GRM7: variants seen among roughly 807,000 people sequenced by gnomAD.
GRM7 encodes the protein metabotropic glutamate receptor 7.
In GRM7, 35 loss-of-function variants were observed where a neutral mutation model predicts 84.5. The observed-to-expected ratio is 0.41, with a 90% CI of 0.32 to 0.55. The LOEUF is 0.55. Ranked by LOEUF, GRM7 falls within the 20% of genes least tolerant of loss-of-function variation. The pLI is 0.19. For synonymous variants in GRM7, 487 were observed against 455.1 expected (o/e 1.07, Z -0.89); for missense variants, 1,003 against 1,194.6 (o/e 0.84, Z 2.36).
chr3:7,018,131 T>C (rs1695643537), intron 1 of GRM7, among the ~76,000 whole-genome samples: 2 of 152,228 alleles, frequency 1.3e-5, no homozygotes, highest in South Asian at 2.1e-4. Context: ...TAATAGTACA[T>C]TTTATTTGAA....
intron 2 of GRM7, among the ~76,000 whole-genome samples, chr3:7,149,219 T>A (rs993735119): frequency 3.2e-4 from 49 of 152,236 alleles, no homozygotes; most frequent in African/African-American, 1.2e-3. Context: ...TTAGCTTAAA[T>A]GGTGTGGAGT....
intron 4 of GRM7, among the ~76,000 whole-genome samples, chr3:7,364,322 C>T (rs906942612): frequency 1.3e-5 from 2 of 151,728 alleles, no homozygotes; most frequent in Admixed American, 6.6e-5. Flanking sequence ...TATATACAGG[C>T]TCTCACAGTT....
At chr3:7,469,755 G>C (rs1271106593) in intron 7 of GRM7, among the ~76,000 whole-genome samples, 1 of 152,118 alleles carries the variant, frequency 6.6e-6, no homozygotes, top group Non-Finnish European at 1.5e-5. Flanking sequence ...ATTTTTATTT[G>C]TCAGCATCTC....
intron 1 of GRM7, among the ~76,000 whole-genome samples, chr3:6,988,772 A>C (rs762358095): frequency 4.6e-5 from 7 of 152,218 alleles, no homozygotes; most frequent in African/African-American, 9.6e-5. Context: ...TATAATTTCC[A>C]AATCATTTTT....
chr3:7,645,352 T>G (rs7615768), intron 8 of GRM7, among the ~76,000 whole-genome samples: 18,589 of 151,436 alleles, frequency 0.12, 1,227 homozygotes, highest in African/African-American at 0.17. Flanking sequence ...ATTGAGACCA[T>G]CCTGGCCAAC....
chr3:6,883,897 T>C (rs1038665920), intron 1 of GRM7, among the ~76,000 whole-genome samples: 1 of 152,182 alleles, frequency 6.6e-6, no homozygotes, highest in Non-Finnish European at 1.5e-5. Context: ...TGGTCTCTTC[T>C]GGAAATGAGC....
rs540365800 is a variant in GRM7, at chr3:7,037,743, C to G, written c.520-108709C>G. 2.6e-5 allele frequency among the ~76,000 whole-genome samples: 4 copies of G among 152,180 alleles called. No homozygotes were observed. In the South Asian group the frequency reaches 8.3e-4, roughly 32 times the overall value. On this transcript the variant is annotated intron_variant, in intron 1 of 9. Coordinates refer to ENST00000357716, the MANE Select transcript of GRM7 (RefSeq NM_000844.4). Reference sequence around the variant, plus strand: ...TATTTGGTACAAATATTTTAATTTCCTCAAGAAATAGAACCTGTTACTGCA... The same window carrying G: ...TATTTGGTACAAATATTTTAATTTCGTCAAGAAATAGAACCTGTTACTGCA...
At position 6,877,840 on chromosome 3, in the gene GRM7, CACACACACACACAT is replaced by C. The variant is rs1294418473; in HGVS notation, c.519+15935_519+15948del. On this transcript the variant is annotated intron_variant, in intron 1 of 9. Coordinates refer to ENST00000357716, the MANE Select transcript of GRM7 (RefSeq NM_000844.4). Reference sequence around the variant, plus strand: ...ACACACACACACACACACACACACACACACACACACACATATGACTTCTGCTAGTAAATTACAAA... The same window carrying C: ...ACACACACACACACACACACACACACATGACTTCTGCTAGTAAATTACAAA... Among the ~76,000 whole-genome samples the C allele has an allele frequency of 1.9e-3, 275 of 143,824 alleles. 1 individual carries two copies. The highest frequency in any genetic ancestry group is 6.5e-3 in the African/African-American group (258 of 39,402). The allele number at this position is 143,824 out of a possible 152,430, so 94.4% of individuals were successfully genotyped here.
rs57543472 is a variant in GRM7 at position 7,643,331 on chromosome 3, C to CAAA, written c.2452-36712_2452-36710dup. Among the ~76,000 whole-genome samples, 1,125 of 150,828 alleles carry CAAA rather than the reference C, an allele frequency of 7.5e-3. 18 individuals are homozygous for CAAA. Among genetic ancestry groups the CAAA allele is most frequent in the Middle Eastern group, 0.021 (6 of 286 alleles). On this transcript the variant is annotated intron_variant, in intron 8 of 9. Transcript: ENST00000357716. ...CGCAGGGAGCCCAATGAAAAACAAA[C>CAAA]AAAAAAAACAAAACAGGGCACTAAT...
intron 7 of GRM7, among the ~76,000 whole-genome samples, chr3:7,468,237 T>C (rs559074262): frequency 3.6e-4 from 55 of 152,204 alleles, no homozygotes; most frequent in Non-Finnish European, 6.3e-4. Flanking sequence ...ATATGTAAGG[T>C]GTCAAAATCT....
intron 1 of GRM7, among the ~76,000 whole-genome samples, chr3:6,872,259 T>C (rs1695145764): frequency 6.6e-6 from 1 of 152,160 alleles, no homozygotes. Flanking sequence ...ATTGAGAAGA[T>C]TATCACAAAA....
chr3:7,021,995 A>G (rs1225579543), intron 1 of GRM7, among the ~76,000 whole-genome samples: 1 of 152,180 alleles, frequency 6.6e-6, no homozygotes, highest in African/African-American at 2.4e-5. Flanking sequence ...CCAACCAAAT[A>G]TGATATAAAA....
chr3:7,618,515 T>A (rs191376012), intron 8 of GRM7, among the ~76,000 whole-genome samples: 230 of 152,296 alleles, frequency 1.5e-3, no homozygotes, highest in African/African-American at 4.6e-3. Flanking sequence ...TGGGTTTTTT[T>A]AATTATTGTT....
chr3:7,700,282 C>T (rs942304139), intron 9 of GRM7, among the ~76,000 whole-genome samples: 2 of 152,178 alleles, frequency 1.3e-5, no homozygotes, highest in African/African-American at 4.8e-5. Flanking sequence ...TCAATGACAG[C>T]CAGAAGGACA....
At chr3:7,363,762 C>G (rs1039508507) in intron 4 of GRM7, among the ~76,000 whole-genome samples, 1 of 152,104 alleles carries the variant, frequency 6.6e-6, no homozygotes, top group Non-Finnish European at 1.5e-5. Flanking sequence ...CGGCAGTTAA[C>G]AAGAGCTCCT....
At chr3:7,331,634 C>G (rs1164315891) in intron 4 of GRM7, among the ~76,000 whole-genome samples, 1 of 152,132 alleles carries the variant, frequency 6.6e-6, no homozygotes, top group African/African-American at 2.4e-5. Context: ...ACATGCAGGC[C>G]TCATTATTCC....
chr3:7,111,201 A>T (rs898822974), intron 1 of GRM7, among the ~76,000 whole-genome samples: 1 of 152,118 alleles, frequency 6.6e-6, no homozygotes, highest in African/African-American at 2.4e-5. Context: ...TCAGGTGCAG[A>T]GCCTGCCACG....
chr3:7,732,021 C>T (rs369078042), intron 9 of GRM7, among the ~76,000 whole-genome samples: 3 of 152,162 alleles, frequency 2.0e-5, no homozygotes, highest in African/African-American at 7.2e-5. Flanking sequence ...CCATCTTCCA[C>T]GTGGTATGGC....
chr3:7,133,408 T>C (rs1003906575), intron 1 of GRM7, among the ~76,000 whole-genome samples: 16 of 152,126 alleles, frequency 1.1e-4, no homozygotes, highest in Non-Finnish European at 2.4e-4. Context: ...CTATTTGGTT[T>C]TGACAACTGG....
Sources: gnomAD v4.1 joint callset for allele counts (sites outside exome capture counted in the v4.1 genomes callset) on GRCh38, gnomAD v4.1.1 for gene constraint, MANE v1.5 for transcripts, NCBI Gene and HGNC (gene_info 2026-07-23, HGNC 2026-07-21) for gene names.